The following HS3ST3A1 variants were observed in gnomAD, a reference collection of about 807,000 sequenced individuals.
HS3ST3A1 encodes the protein heparan sulfate-glucosamine 3-sulfotransferase 3A1, also known as heparan sulfate glucosamine 3-O-sulfotransferase 3A1.
Under a neutral mutation model 25.7 loss-of-function variants are expected in HS3ST3A1, and 19 were observed. The observed-to-expected ratio is 0.74, with a 90% CI of 0.52 to 1.08. The LOEUF (loss-of-function observed/expected upper bound fraction) is 1.08. Ranked by LOEUF, HS3ST3A1 falls within the 50% of genes least tolerant of loss-of-function variation. The probability of loss-of-function intolerance (pLI) is 0.00; values close to 1 mark genes in which losing one functional copy is unlikely to be tolerated. For missense variants in HS3ST3A1, 459 were observed against 594.3 expected (o/e 0.77, Z 2.37); for synonymous variants, 226 against 278.6 (o/e 0.81, Z 1.88).
chr17:13,530,952 A>G (rs1205971053), intron 1 of HS3ST3A1, among the ~76,000 whole-genome samples: 1 of 152,186 alleles, frequency 6.6e-6, no homozygotes, highest in Non-Finnish European at 1.5e-5. Flanking sequence ...CTGGCTAGAA[A>G]TGAACCCAGT....
At chr17:13,524,657 T>A (rs992500446) in intron 1 of HS3ST3A1, among the ~76,000 whole-genome samples, 2 of 152,192 alleles carry the variant, frequency 1.3e-5, no homozygotes, top group African/African-American at 4.8e-5. Flanking sequence ...TTTTAAAAAA[T>A]TTCTACGTGT....
intron 1 of HS3ST3A1, among the ~76,000 whole-genome samples, chr17:13,586,307 T>C (rs1908266543): frequency 6.6e-6 from 1 of 151,908 alleles, no homozygotes; most frequent in African/African-American, 2.4e-5. Context: ...ACTGCTCTAG[T>C]TCAAGCCTCT....
intron 1 of HS3ST3A1, among the ~76,000 whole-genome samples, chr17:13,508,655 C>A (rs560648173): frequency 6.6e-6 from 1 of 152,288 alleles, no homozygotes; most frequent in East Asian, 1.9e-4. Context: ...ATTTCTAACA[C>A]GGTAGGCATT....
intron 1 of HS3ST3A1, among the ~76,000 whole-genome samples, chr17:13,498,824 G>A (rs1027136408): frequency 2.6e-5 from 4 of 152,078 alleles, no homozygotes; most frequent in Non-Finnish European, 5.9e-5. Context: ...TGCATACACA[G>A]TAATAAACGT....
intron 1 of HS3ST3A1, among the ~76,000 whole-genome samples, chr17:13,538,889 T>C (rs1906846032): frequency 6.6e-6 from 1 of 152,218 alleles, no homozygotes; most frequent in African/African-American, 2.4e-5. Context: ...CAAAGCATCC[T>C]TAAACTTAAT....
intron 1 of HS3ST3A1, among the ~76,000 whole-genome samples, chr17:13,564,461 A>G (rs918603983): frequency 2.6e-5 from 4 of 152,200 alleles, no homozygotes; most frequent in Admixed American, 2.6e-4. Context: ...CAAGTTCCTT[A>G]TATAAAATGG....
At position 13,552,443 on chromosome 17, in the gene HS3ST3A1, A is replaced by G. The variant is rs138724026; in HGVS notation, c.599+48088T>C. 1.1e-4 allele frequency among the ~76,000 whole-genome samples: 16 copies of G among 152,310 alleles called. No homozygotes were observed. In the East Asian group the frequency reaches 2.9e-3, roughly 28 times the overall value. On this transcript the variant is annotated intron_variant, in intron 1 of 1. Coordinates refer to ENST00000284110, the MANE Select transcript of HS3ST3A1 (RefSeq NM_006042.3). ...AATACTGATAACCTAAGCACCAGGC[A>G]TGGCAGGGCAAAATACGATTCCAGT...
At chr17:13,538,610 C>T (rs1222319169) in intron 1 of HS3ST3A1, among the ~76,000 whole-genome samples, 2 of 152,084 alleles carry the variant, frequency 1.3e-5, no homozygotes, top group Admixed American at 6.6e-5. Context: ...CTGACCACTC[C>T]TGAAAGGTGA....
At chr17:13,548,978 T>C (rs1270974997) in intron 1 of HS3ST3A1, among the ~76,000 whole-genome samples, 1 of 152,190 alleles carries the variant, frequency 6.6e-6, no homozygotes, top group African/African-American at 2.4e-5. Context: ...AACTAAAAAC[T>C]GGCCACCCGA....
At chr17:13,554,238 A>G (rs887020741) in intron 1 of HS3ST3A1, among the ~76,000 whole-genome samples, 1 of 152,210 alleles carries the variant, frequency 6.6e-6, no homozygotes, top group African/African-American at 2.4e-5. Context: ...TGCAAAGCCT[A>G]AGGCCAAAAC....
Position 13,585,840 on chromosome 17 carries a change from G to GTTT in HS3ST3A1, c.599+14688_599+14690dup, listed in dbSNP as rs1207776880. Among the ~76,000 whole-genome samples, 29 of 62,018 alleles carry GTTT rather than the reference G, an allele frequency of 4.7e-4. 6 individuals carry two copies. Among genetic ancestry groups the GTTT allele is most frequent in the African/African-American group, 2.0e-3 (23 of 11,716 alleles). The allele number at this position is 62,018 out of a possible 152,430, so 40.7% of individuals were successfully genotyped here. On this transcript the variant is annotated intron_variant, in intron 1 of 1. Coordinates refer to ENST00000284110, the MANE Select transcript of HS3ST3A1 (RefSeq NM_006042.3). ...TGAGACCTGTTATTCCTCCTTCTGC[G>GTTT]TTTTTTTTTTTTTTTTTTTTTTTTT...
rs117032620 is a variant in HS3ST3A1, at chr17:13,578,165, A to G, written c.599+22366T>C. ...ATATTGGAATCAAGTTAAACATTGA[A>G]CAATAAGGATTGCCTAAGTGACTTA... On this transcript the variant is annotated intron_variant, in intron 1 of 1. Coordinates refer to ENST00000284110, the MANE Select transcript of HS3ST3A1 (RefSeq NM_006042.3). 1.2e-3 allele frequency among the ~76,000 whole-genome samples: 184 copies of G among 152,258 alleles called. 1 individual carries two copies. The highest frequency in any genetic ancestry group is 2.1e-3 in the Non-Finnish European group (144 of 68,024).
intron 1 of HS3ST3A1, among the ~76,000 whole-genome samples, chr17:13,514,725 G>A (rs541423430): frequency 6.6e-6 from 1 of 152,162 alleles, no homozygotes; most frequent in Non-Finnish European, 1.5e-5. Context: ...CCAGAGACGA[G>A]GAGAGGGTAA....
rs11459083 is a variant in HS3ST3A1 at position 13,498,945 on chromosome 17, G to GTT, written c.600-2129_600-2128dup. Among the ~76,000 whole-genome samples the GTT allele has an allele frequency of 3.5e-3, 493 of 141,122 alleles. 2 individuals are homozygous for GTT. The highest frequency in any genetic ancestry group is 6.9e-3 in the Admixed American group (100 of 14,414). 92.6% of individuals were successfully genotyped at this position (141,122 alleles called of 152,430 possible). On this transcript the variant is annotated intron_variant, in intron 1 of 1. Coordinates refer to ENST00000284110, the MANE Select transcript of HS3ST3A1 (RefSeq NM_006042.3). The stretch of plus-strand genomic sequence containing the variant: ...CATACTCAGATTTCCTCCTATTTTT[G>GTT]TTTTTTTTTTTTGGGTGGGGGGTTT...
intron 1 of HS3ST3A1, among the ~76,000 whole-genome samples, chr17:13,573,767 G>A (rs912877568): frequency 6.6e-6 from 1 of 152,156 alleles, no homozygotes; most frequent in African/African-American, 2.4e-5. Flanking sequence ...GTGATGGTAC[G>A]AGGAGCTGGG....
chr17:13,601,237 C>A lies in HS3ST3A1; in HGVS notation c.-108G>T. The A allele has an allele frequency of 3.8e-6, 3 of 797,164 alleles. No individual in the cohort carries two copies. The highest frequency in any genetic ancestry group is 2.1e-5 in the South Asian group (1 of 47,746). 49.4% of individuals were successfully genotyped at this position (797,164 alleles called of 1,614,324 possible). ...CCAGCGCGCTGGACGGAGGCCACAT[C>A]GCCGTGCGCCCCTGTGGCCGTGCGA... On this transcript the variant is annotated 5_prime_UTR_variant, in exon 1 of 2. Transcript: ENST00000284110.
intron 1 of HS3ST3A1, among the ~76,000 whole-genome samples, chr17:13,572,822 A>G (rs1261946066): frequency 6.6e-6 from 1 of 152,244 alleles, no homozygotes; most frequent in African/African-American, 2.4e-5. Flanking sequence ...ACACAAACTC[A>G]AGGAACTAGC....
chr17:13,515,412 C>T (rs190003013), intron 1 of HS3ST3A1, among the ~76,000 whole-genome samples: 45 of 151,340 alleles, frequency 3.0e-4, no homozygotes, highest in African/African-American at 9.9e-4. Context: ...TGCCTGCCTT[C>T]GCCTCCCAAA....
intron 1 of HS3ST3A1, among the ~76,000 whole-genome samples, chr17:13,519,935 T>C (rs974927710): frequency 3.3e-5 from 5 of 152,168 alleles, no homozygotes; most frequent in East Asian, 3.8e-4. Flanking sequence ...ATAGAACTTA[T>C]TAGAGGTAGC....
Sources: allele counts gnomAD v4.1 joint callset (sites outside exome capture counted in the v4.1 genomes callset), GRCh38; gene constraint gnomAD v4.1.1; transcripts MANE v1.5; gene names NCBI Gene and HGNC (gene_info 2026-07-23, HGNC 2026-07-21).